DAB1: variants seen among roughly 807,000 people sequenced by gnomAD.
DAB1 encodes the protein disabled homolog 1.
In DAB1, 15 loss-of-function variants were observed where a neutral mutation model predicts 64.6. The ratio of observed to expected loss-of-function variants is 0.23; its 90% CI spans 0.16 to 0.36. The LOEUF (loss-of-function observed/expected upper bound fraction) is 0.36, where lower values mean the gene tolerates loss of function less well. DAB1 is among the 10% of genes least tolerant of loss of function. DAB1 has a pLI of 1.00. For synonymous variants in DAB1, 235 were observed against 251.9 expected (o/e 0.93, Z 0.64); for missense variants, 596 against 706.7 (o/e 0.84, Z 1.78).
At chr1:57,590,952 A>G (rs539929333) in intron 7 of DAB1, among the ~76,000 whole-genome samples, 3 of 152,200 alleles carry the variant, frequency 2.0e-5, no homozygotes, top group Non-Finnish European at 2.9e-5. Flanking sequence ...TGGTTAATTC[A>G]GTACTGAATC....
chr1:57,104,722 G>A (rs892485589), intron 4 of DAB1, among the ~76,000 whole-genome samples: 1 of 152,096 alleles, frequency 6.6e-6, no homozygotes, highest in Admixed American at 6.6e-5. Flanking sequence ...TGAGAGAGAG[G>A]TTAGGAAATG....
rs1014405420 is a variant in DAB1, at chr1:56,995,341, AT to A, written c.*2802del. ...TTGGCACCTCAGCTCTTGCTTGGAAATTTCACTGTACTCCTGGGACAGGATA... is the reference window on the plus strand; with the variant it reads ...TTGGCACCTCAGCTCTTGCTTGGAAATTCACTGTACTCCTGGGACAGGATA... On this transcript the variant is annotated 3_prime_UTR_variant, in exon 15 of 15. Coordinates refer to ENST00000371236, the MANE Select transcript of DAB1 (RefSeq NM_001365792.1). 1 of 152,226 alleles carries A rather than the reference AT, an allele frequency of 6.6e-6. No homozygotes were observed. Among genetic ancestry groups the A allele is most frequent in the Non-Finnish European group, 1.5e-5 (1 of 68,062 alleles). The allele number at this position is 152,226 out of a possible 1,614,324, so 9.4% of individuals were successfully genotyped here.
intron 7 of DAB1, among the ~76,000 whole-genome samples, chr1:57,585,956 C>T (rs1474803829): frequency 3.3e-5 from 5 of 152,182 alleles, no homozygotes; most frequent in Non-Finnish European, 7.3e-5. Context: ...GCCAACTGGG[C>T]TCCTATTTTT....
intron 4 of DAB1, among the ~76,000 whole-genome samples, chr1:58,156,725 A>C (rs1284161073): frequency 6.6e-6 from 1 of 152,194 alleles, no homozygotes; most frequent in African/African-American, 2.4e-5. Flanking sequence ...CAACATGTGC[A>C]AAGTGCGGAG....
At chr1:57,207,097 T>C (rs1569889935) in intron 2 of DAB1, among the ~76,000 whole-genome samples, 1 of 149,900 alleles carries the variant, frequency 6.7e-6, no homozygotes, top group African/African-American at 2.5e-5. Flanking sequence ...GCCTCCCGAG[T>C]AGCTGGGATT....
At position 57,299,173 on chromosome 1, in the gene DAB1, T is replaced by TGAAA. The variant is rs1673433468; in HGVS notation, c.-136-8011_-136-8008dup. Among the ~76,000 whole-genome samples the TGAAA allele has an allele frequency of 2.0e-5, 3 of 152,328 alleles. No individual in the cohort carries two copies. The South Asian group carries it at 6.2e-4, about 32-fold the overall frequency. ...CATATTTTCTTTTTATTAACTAAATTGAAAGATAAATAAGTGGGATCTTGC... is the reference window on the plus strand; with the variant it reads ...CATATTTTCTTTTTATTAACTAAATTGAAAGAAAGATAAATAAGTGGGATCTTGC... On this transcript the variant is annotated intron_variant, in intron 1 of 14. Coordinates refer to ENST00000371236, the MANE Select transcript of DAB1 (RefSeq NM_001365792.1).
chr1:57,334,353 T>C (rs369926439), intron 1 of DAB1, among the ~76,000 whole-genome samples: 6 of 152,342 alleles, frequency 3.9e-5, no homozygotes, highest in African/African-American at 1.4e-4. Flanking sequence ...GCATGTTCCC[T>C]TGGGACAGTG....
chr1:58,130,389 G>C (rs1169753464), intron 5 of DAB1, among the ~76,000 whole-genome samples: 1 of 151,238 alleles, frequency 6.6e-6, no homozygotes, highest in Non-Finnish European at 1.5e-5. Flanking sequence ...ACAGCACACT[G>C]ATGGGTCTTG....
intron 2 of DAB1, among the ~76,000 whole-genome samples, chr1:57,287,017 A>G (rs1304932570): frequency 6.6e-6 from 1 of 152,244 alleles, no homozygotes; most frequent in Non-Finnish European, 1.5e-5. Context: ...GCAAATTTAG[A>G]ATTTAAAAAC....
chr1:57,086,137 G>C (rs905062443), intron 4 of DAB1, among the ~76,000 whole-genome samples: 2 of 152,160 alleles, frequency 1.3e-5, no homozygotes, highest in East Asian at 3.9e-4. Context: ...TAAAAAACTG[G>C]AGTGGTTGAA....
chr1:58,095,472 T>C (rs1650923754), intron 5 of DAB1, among the ~76,000 whole-genome samples: 1 of 152,200 alleles, frequency 6.6e-6, no homozygotes, highest in Non-Finnish European at 1.5e-5. Context: ...TTCAGTGTCC[T>C]TGTCTCCCAC....
chr1:58,089,297 G>A (rs1172239423), intron 5 of DAB1, among the ~76,000 whole-genome samples: 1 of 152,270 alleles, frequency 6.6e-6, no homozygotes, highest in Non-Finnish European at 1.5e-5. Flanking sequence ...TTGCGGCATT[G>A]TTGCAAGGGT....
chr1:57,562,654 G>C (rs1229489489), intron 7 of DAB1, among the ~76,000 whole-genome samples: 1 of 152,158 alleles, frequency 6.6e-6, no homozygotes, highest in Non-Finnish European at 1.5e-5. Flanking sequence ...GGATGGAAGT[G>C]GAAGTGGCAC....
intron 1 of DAB1, among the ~76,000 whole-genome samples, chr1:57,324,925 G>C (rs1676031387): frequency 6.6e-6 from 1 of 152,204 alleles, no homozygotes; most frequent in Non-Finnish European, 1.5e-5. Context: ...GGTTTCAACT[G>C]TTTCCCTGAG....
intron 5 of DAB1, among the ~76,000 whole-genome samples, chr1:58,044,972 G>T (rs893733121): frequency 2.3e-4 from 35 of 152,288 alleles, no homozygotes; most frequent in African/African-American, 8.4e-4. Context: ...CTAATAGAGG[G>T]ATGCTAGGCT....
At chr1:58,477,241 C>G (rs1408134199) in intron 3 of DAB1, among the ~76,000 whole-genome samples, 1 of 151,922 alleles carries the variant, frequency 6.6e-6, no homozygotes, top group Non-Finnish European at 1.5e-5. Flanking sequence ...CAAAACAAAA[C>G]AAAAAAACCT....
At chr1:57,864,647 T>TA (rs1182262173) in intron 1 of DAB1, 1 of 148,942 alleles carries the variant, frequency 6.7e-6, no homozygotes, top group Non-Finnish European at 1.5e-5. Flanking sequence ...TCTTATTTTT[T>TA]AAAAAAATTT....
intron 6 of DAB1, among the ~76,000 whole-genome samples, chr1:57,773,208 AG>A (rs1301005007): frequency 6.6e-6 from 1 of 152,078 alleles, no homozygotes; most frequent in Non-Finnish European, 1.5e-5. Context: ...TAAGAGCCCC[AG>A]GAAATTAACA....
At position 57,015,302 on chromosome 1, in the gene DAB1, C is replaced by T; in HGVS notation, c.1025G>A (p.Gly342Asp). ...VMPGAQPIAW[G>D]QPGLFPATQQ... ...AGTGGCAGGAAAGAGACCCGGCTGG[C>T]CCCATGCGATGGGCTGAGCCCCCGG... Residue 342 changes from glycine to aspartate, a missense_variant, in exon 12 of 15, where the codon GGC becomes GAC. By Grantham distance (94) the Gly-to-Asp change is moderately conservative (BLOSUM62 -1). Around this residue, in one of 3 missense-constraint regions of DAB1, gnomAD observed 377 missense variants for 400.4 expected, o/e 0.94. Transcript: ENST00000371236. 1 of 1,614,078 alleles carries T rather than the reference C, an allele frequency of 6.2e-7. No individual in the cohort carries two copies.
Sources: gnomAD v4.1 joint callset for allele counts (sites outside exome capture counted in the v4.1 genomes callset) on GRCh38, gnomAD v4.1.1 for gene constraint, gnomAD v4.1.1 regional missense constraint, MANE v1.5 for transcripts, NCBI Gene and HGNC (gene_info 2026-07-23, HGNC 2026-07-21) for gene names.